SDK1: variants seen among roughly 807,000 people sequenced by gnomAD.
SDK1 encodes the protein sidekick cell adhesion molecule 1.
Under a neutral mutation model 245.5 loss-of-function variants are expected in SDK1, and 157 were observed. The observed-to-expected ratio is 0.64, with a 90% CI of 0.56 to 0.73. The LOEUF is 0.73. SDK1 is among the 30% of genes least tolerant of loss of function. The probability of loss-of-function intolerance (pLI) is 0.00; values close to 1 mark genes in which losing one functional copy is unlikely to be tolerated. For missense variants in SDK1, 3,583 were observed against 3,002.3 expected (o/e 1.19, Z -4.52); for synonymous variants, 1,647 against 1,278.5 (o/e 1.29, Z -6.15).
At chr7:4,176,382 C>G (rs1057014660) in intron 34 of SDK1, among the ~76,000 whole-genome samples, 1 of 152,040 alleles carries the variant, frequency 6.6e-6, no homozygotes, top group Non-Finnish European at 1.5e-5. Context: ...TTGTACAGGC[C>G]GGTCTTGAAT....
At position 4,037,100 on chromosome 7, in the gene SDK1, A is replaced by G. The variant is rs192514780; in HGVS notation, c.2603-12248A>G. ...GATGCATTGTTCATAGATTCTTGCAAAACTCTTTGGACAGCCAATGCTTGT... is the reference window on the plus strand; with the variant it reads ...GATGCATTGTTCATAGATTCTTGCAGAACTCTTTGGACAGCCAATGCTTGT... On this transcript the variant is annotated intron_variant, in intron 17 of 44. Transcript: ENST00000404826. Among the ~76,000 whole-genome samples the G allele has an allele frequency of 4.3e-3, 656 of 152,314 alleles. 8 individuals carry two copies. Among genetic ancestry groups the G allele is most frequent in the African/African-American group, 0.015 (624 of 41,578 alleles).
intron 1 of SDK1, among the ~76,000 whole-genome samples, chr7:3,567,044 T>A (rs1342784267): frequency 2.0e-5 from 3 of 152,152 alleles, no homozygotes; most frequent in Admixed American, 2.0e-4. Flanking sequence ...ACATTTATTT[T>A]CCCGGGTACG....
intron 2 of SDK1, among the ~76,000 whole-genome samples, chr7:3,634,061 A>G (rs1454231290): frequency 6.6e-6 from 1 of 152,192 alleles, no homozygotes; most frequent in East Asian, 1.9e-4. Context: ...TTAAAAATCC[A>G]GAGCAAATGT....
At chr7:4,210,924 CG>C (rs1784478824) in intron 38 of SDK1, among the ~76,000 whole-genome samples, 1 of 152,126 alleles carries the variant, frequency 6.6e-6, no homozygotes, top group South Asian at 2.1e-4. Flanking sequence ...GACAAGGGCC[CG>C]GACACACAAG....
chr7:3,876,228 C>T (rs1270143433), intron 5 of SDK1, among the ~76,000 whole-genome samples: 1 of 152,190 alleles, frequency 6.6e-6, no homozygotes, highest in African/African-American at 2.4e-5. Flanking sequence ...CTCCCAGCAT[C>T]CTGGCAACTT....
intron 38 of SDK1, among the ~76,000 whole-genome samples, chr7:4,218,981 ATATT>A (rs889697031): frequency 6.6e-6 from 1 of 152,036 alleles, no homozygotes; most frequent in African/African-American, 2.4e-5. Flanking sequence ...GTAATTTTCA[ATATT>A]TATTCTCTCC....
chr7:4,176,701 C>T (rs964055459), intron 34 of SDK1, among the ~76,000 whole-genome samples: 10 of 152,184 alleles, frequency 6.6e-5, no homozygotes, highest in Non-Finnish European at 1.2e-4. Flanking sequence ...ACGGATTTGA[C>T]GACTCTGGGG....
chr7:3,751,986 A>C (rs1166746458), intron 4 of SDK1, among the ~76,000 whole-genome samples: 2 of 152,256 alleles, frequency 1.3e-5, no homozygotes, highest in Admixed American at 6.5e-5. Flanking sequence ...TGAGATAGGC[A>C]GAAGAGGAAA....
chr7:3,841,985 A>G (rs1325877430), intron 5 of SDK1, among the ~76,000 whole-genome samples: 1 of 152,214 alleles, frequency 6.6e-6, no homozygotes, highest in Admixed American at 6.5e-5. Context: ...CCACCTCTTT[A>G]GTACTGACAC....
At chr7:3,981,240 A>T (rs1020121148) in intron 13 of SDK1, among the ~76,000 whole-genome samples, 1 of 152,126 alleles carries the variant, frequency 6.6e-6, no homozygotes, top group Non-Finnish European at 1.5e-5. Context: ...TTGTTTTGGG[A>T]CACCATGAGC....
intron 4 of SDK1, among the ~76,000 whole-genome samples, chr7:3,651,337 G>T (rs1344890105): frequency 1.3e-5 from 2 of 152,064 alleles, no homozygotes; most frequent in Admixed American, 1.3e-4. Flanking sequence ...GGCTAATGAT[G>T]TTGAACATCT....
rs1422200420 is a variant in SDK1 at position 3,560,313 on chromosome 7, A to G, written c.299-58767A>G. On this transcript the variant is annotated intron_variant, in intron 1 of 44. Coordinates refer to ENST00000404826, the MANE Select transcript of SDK1 (RefSeq NM_152744.4). ...CTGTCTATATGCTGATGATATCCAAATGTATGTCTTTTATCTTTATTTCAT... is the reference window on the plus strand; with the variant it reads ...CTGTCTATATGCTGATGATATCCAAGTGTATGTCTTTTATCTTTATTTCAT... Among the ~76,000 whole-genome samples, 3 of 152,148 alleles carry G rather than the reference A, an allele frequency of 2.0e-5. No individual in the cohort carries two copies. In the South Asian group the frequency reaches 6.2e-4, roughly 32 times the overall value.
chr7:3,780,833 C>G (rs183485670), intron 4 of SDK1, among the ~76,000 whole-genome samples: 1 of 152,046 alleles, frequency 6.6e-6, no homozygotes. Context: ...AGCCAAAAAG[C>G]CTGCCCAATG....
chr7:3,508,076 CCAGGCATAAACTGCTACTGATAGT>C (rs1302347768), intron 1 of SDK1, among the ~76,000 whole-genome samples: 1 of 152,092 alleles, frequency 6.6e-6, no homozygotes, highest in African/African-American at 2.4e-5. Flanking sequence ...GTTTCTCTGA[CCAGGCATAAACTGCTACTGATAGT>C]CAGGGTGTTG....
chr7:3,545,466 A>C (rs560822788), intron 1 of SDK1, among the ~76,000 whole-genome samples: 1 of 152,324 alleles, frequency 6.6e-6, no homozygotes, highest in African/African-American at 2.4e-5. Context: ...CCCCTGTAGA[A>C]GTCTCAGTTA....
chr7:4,005,890 G>T (rs1250071624), intron 14 of SDK1, among the ~76,000 whole-genome samples: 2 of 152,220 alleles, frequency 1.3e-5, no homozygotes, highest in African/African-American at 4.8e-5. Flanking sequence ...AATTAGCCGG[G>T]CACGGTGGCA....
chr7:3,798,926 G>C (rs997368547), intron 4 of SDK1, among the ~76,000 whole-genome samples: 4 of 152,172 alleles, frequency 2.6e-5, no homozygotes, highest in Admixed American at 1.3e-4. Context: ...TTCACCAGTG[G>C]ATCTTGCCTG....
At chr7:3,743,709 A>T (rs1779539108) in intron 4 of SDK1, among the ~76,000 whole-genome samples, 2 of 152,154 alleles carry the variant, frequency 1.3e-5, no homozygotes, top group Admixed American at 1.3e-4. Context: ...TAGATGTCGG[A>T]GGAGGAGGAA....
At chr7:3,910,666 A>G (rs1283591061) in intron 5 of SDK1, among the ~76,000 whole-genome samples, 1 of 152,064 alleles carries the variant, frequency 6.6e-6, no homozygotes, top group Non-Finnish European at 1.5e-5. Context: ...CAGGTGTAGA[A>G]TGGGACGTCC....
Sources: gnomAD v4.1 joint callset for allele counts (sites outside exome capture counted in the v4.1 genomes callset) on GRCh38, gnomAD v4.1.1 for gene constraint, MANE v1.5 for transcripts, NCBI Gene and HGNC (gene_info 2026-07-23, HGNC 2026-07-21) for gene names.